The following WDR35 variants were observed in gnomAD, a reference collection of about 807,000 sequenced individuals.
WDR35 encodes WD repeat domain 35, also known as WD repeat-containing protein 35.
WDR35 carries 118 observed loss-of-function variants against 158.3 expected under a neutral mutation model. That is an observed-to-expected ratio of 0.75 (90% CI 0.64 to 0.87). The LOEUF (loss-of-function observed/expected upper bound fraction) is 0.87. Ranked by LOEUF, WDR35 falls within the 40% of genes least tolerant of loss-of-function variation. The pLI, the probability that WDR35 is intolerant of heterozygous loss-of-function variation, is 0.00. For synonymous variants in WDR35, 448 were observed against 476.1 expected (o/e 0.94, Z 0.77); for missense variants, 1,263 against 1,405.8 (o/e 0.90, Z 1.62).
At chr2:19,987,823 C>CAAA (rs34794090) in intron 2 of WDR35, among the ~76,000 whole-genome samples, 45 of 56,858 alleles carry the variant, frequency 7.9e-4, no homozygotes, top group East Asian at 1.9e-3. Flanking sequence ...AACTCTGTCT[C>CAAA]AAAAAAAAAA....
chr2:19,954,369 T>C (rs901451236), intron 11 of WDR35, among the ~76,000 whole-genome samples: 2 of 152,090 alleles, frequency 1.3e-5, no homozygotes, highest in Admixed American at 1.3e-4. Flanking sequence ...AAGGACACTA[T>C]CAAGAAAGTA....
At chr2:19,927,572 C>T (rs1024055133) in intron 25 of WDR35, among the ~76,000 whole-genome samples, 1 of 152,184 alleles carries the variant, frequency 6.6e-6, no homozygotes, top group African/African-American at 2.4e-5. Context: ...AGTGGCACCT[C>T]AACCTCAAAT....
intron 2 of WDR35, 75 bp downstream of exon 2, chr2:19,989,090 T>C (rs1254421536): frequency 1.6e-6 from 2 of 1,258,368 alleles, no homozygotes; most frequent in Middle Eastern, 1.9e-4. Flanking sequence ...TATTGACAGA[T>C]AACATGAGTA....
chr2:19,916,509 G>A (rs534629849), intron 25 of WDR35, among the ~76,000 whole-genome samples: 1 of 152,334 alleles, frequency 6.6e-6, no homozygotes, highest in South Asian at 2.1e-4. Context: ...CTCATGGTTA[G>A]CACAGCAGTT....
intron 17 of WDR35, 138 bp downstream of exon 17, chr2:19,941,621 G>T: frequency 1.7e-6 from 1 of 604,758 alleles, no homozygotes; most frequent in Non-Finnish European, 2.9e-6. Context: ...CCTAAAGGCT[G>T]AACAATAAGA....
At chr2:19,984,829 T>C (rs1402267433) in intron 2 of WDR35, among the ~76,000 whole-genome samples, 1 of 152,230 alleles carries the variant, frequency 6.6e-6, no homozygotes, top group Non-Finnish European at 1.5e-5. Flanking sequence ...TCCTGTTACA[T>C]GCTGCAAAAT....
intron 25 of WDR35, among the ~76,000 whole-genome samples, chr2:19,920,749 G>T (rs1309212217): frequency 6.6e-6 from 1 of 152,200 alleles, no homozygotes; most frequent in Non-Finnish European, 1.5e-5. Flanking sequence ...GCAGGAGAAA[G>T]AAATAAAGGA....
At chr2:19,985,860 G>T (rs1271913485) in intron 2 of WDR35, among the ~76,000 whole-genome samples, 1 of 131,630 alleles carries the variant, frequency 7.6e-6, no homozygotes, top group Non-Finnish European at 1.5e-5. Flanking sequence ...CTGCACCACT[G>T]CACTCCAGCC....
In WDR35 at chr2:19,931,257, G is replaced by A. The variant is rs113663112; in HGVS notation, c.2964+12C>T. On this transcript the variant is annotated intron_variant, in intron 24 of 26. Transcript: ENST00000281405. ...TTCCAATGATGTAATGTTATTTAAC[G>A]TGCTACTTTACCTCTGAACTTTTTC... The A allele has an allele frequency of 4.0e-4, 643 of 1,606,392 alleles. No individual in the cohort carries two copies. The African/African-American group carries it at 7.8e-3, about 19-fold the overall frequency.
rs764547858 is a variant in WDR35 at position 19,946,530 on chromosome 2, T to A, written c.1565A>T (p.Asn522Ile). ...GGAATATTTTTGAATCAAACCAACA[T>A]TAGGTAGACTGTATCTCTGAATGGT... ...SGTIQRYSLP[N>I]VGLIQKYSLN... Residue 522 changes from asparagine (N) to isoleucine (I), a missense_variant, in exon 15 of 27, where the codon AAT (asparagine) becomes ATT (isoleucine). Transcript: ENST00000281405. 1 of 1,613,682 alleles carries A rather than the reference T, an allele frequency of 6.2e-7. No individual in the cohort carries two copies. Among genetic ancestry groups the A allele is most frequent in the Admixed American group, 1.7e-5 (1 of 60,018 alleles).
At chr2:19,982,768 A>G (rs1335008969) in intron 2 of WDR35, among the ~76,000 whole-genome samples, 1 of 152,228 alleles carries the variant, frequency 6.6e-6, no homozygotes, top group Non-Finnish European at 1.5e-5. Flanking sequence ...CATTACATAT[A>G]TTAATAATCA....
chr2:19,954,445 A>G (rs1671357541), intron 11 of WDR35, among the ~76,000 whole-genome samples: 1 of 152,242 alleles, frequency 6.6e-6, no homozygotes, highest in Non-Finnish European at 1.5e-5. Flanking sequence ...TTTTATCTAG[A>G]AAATATAAAG....
chr2:19,929,051 C>G (rs1481792770), intron 25 of WDR35, among the ~76,000 whole-genome samples: 1 of 152,184 alleles, frequency 6.6e-6, no homozygotes, highest in East Asian at 1.9e-4. Context: ...TTGTGATCCA[C>G]CCGCCTCAGC....
chr2:19,913,787 A>C (rs1572301186), intron 26 of WDR35, 79 bp from the exon 27 acceptor site: 2 of 1,574,118 alleles, frequency 1.3e-6, no homozygotes, highest in East Asian at 2.3e-5. Flanking sequence ...CTTAAAAAAA[A>C]CCTAAAGAAT....
chr2:19,925,686 C>T (rs567038273), intron 25 of WDR35, among the ~76,000 whole-genome samples: 1 of 152,204 alleles, frequency 6.6e-6, no homozygotes, highest in Non-Finnish European at 1.5e-5. Context: ...AACTTCTGTA[C>T]CTATAAATTT....
intron 25 of WDR35, among the ~76,000 whole-genome samples, chr2:19,921,631 G>A (rs1670170795): frequency 6.6e-6 from 1 of 152,084 alleles, no homozygotes; most frequent in Admixed American, 6.6e-5. Flanking sequence ...AACCCTAGAA[G>A]AAAACCTAGG....
intron 16 of WDR35, among the ~76,000 whole-genome samples, chr2:19,944,815 A>C (rs1236882621): frequency 2.6e-5 from 4 of 152,246 alleles, no homozygotes; most frequent in African/African-American, 9.6e-5. Flanking sequence ...TTAGGATATT[A>C]AAGGGGCAAA....
chr2:19,990,057 C>A lies in WDR35; in HGVS notation c.-42G>T. ...GGGTCACGGCGGCCGCTAAGGCCCTCGACAAGTAACGGTTCTACGTCTCCA... is the reference window on the plus strand; with the variant it reads ...GGGTCACGGCGGCCGCTAAGGCCCTAGACAAGTAACGGTTCTACGTCTCCA... On this transcript the variant is annotated 5_prime_UTR_variant, in exon 1 of 27. Transcript: ENST00000281405. 6.2e-7 allele frequency: 1 copy of A among 1,611,092 alleles called. No individual in the cohort carries two copies. Among genetic ancestry groups the A allele is most frequent in the Middle Eastern group, 1.7e-4 (1 of 6,054 alleles).
intron 2 of WDR35, 77 bp downstream of exon 2, chr2:19,989,088 G>A: frequency 8.0e-7 from 1 of 1,248,872 alleles, no homozygotes; most frequent in Middle Eastern, 1.9e-4. Context: ...CATATTGACA[G>A]ATAACATGAG....
Sources: gnomAD v4.1 joint callset for allele counts (sites outside exome capture counted in the v4.1 genomes callset) on GRCh38, gnomAD v4.1.1 for gene constraint, MANE v1.5 for transcripts, NCBI Gene and HGNC (gene_info 2026-07-23, HGNC 2026-07-21) for gene names.